The following VWC2L variants were observed in gnomAD, a reference collection of about 807,000 sequenced individuals.
The protein encoded by VWC2L is von Willebrand factor C domain-containing protein 2-like.
VWC2L carries 10 observed loss-of-function variants against 21.6 expected under a neutral mutation model. The observed-to-expected ratio is 0.46, with a 90% CI of 0.29 to 0.78. VWC2L has a LOEUF of 0.78. Ranked by LOEUF, VWC2L falls within the 30% of genes least tolerant of loss-of-function variation. VWC2L has a pLI of 0.10. For synonymous variants in VWC2L, 96 were observed against 94.3 expected (o/e 1.02, Z -0.10); for missense variants, 209 against 277.1 (o/e 0.75, Z 1.74).
intron 3 of VWC2L, among the ~76,000 whole-genome samples, chr2:214,480,018 A>C (rs910818041): frequency 6.6e-6 from 1 of 152,178 alleles, no homozygotes; most frequent in Non-Finnish European, 1.5e-5. Flanking sequence ...ATGTAGTATA[A>C]CAACTACTTA....
chr2:214,531,000 C>T (rs865868193), intron 3 of VWC2L, among the ~76,000 whole-genome samples: 1 of 152,158 alleles, frequency 6.6e-6, no homozygotes, highest in Non-Finnish European at 1.5e-5. Flanking sequence ...TTGCCACCCA[C>T]CCACACAGTA....
chr2:214,431,587 A>T (rs973826959), intron 2 of VWC2L, among the ~76,000 whole-genome samples: 1 of 152,186 alleles, frequency 6.6e-6, no homozygotes. Flanking sequence ...GTATTCACAG[A>T]CAACTTTCTA....
intron 3 of VWC2L, among the ~76,000 whole-genome samples, chr2:214,513,530 A>T (rs1689091580): frequency 6.6e-6 from 1 of 152,108 alleles, no homozygotes; most frequent in Admixed American, 6.5e-5. Context: ...GGCAGAGAAG[A>T]TTTTCACTAT....
In VWC2L at chr2:214,563,578, A is replaced by AAAG. The variant is rs1559332317; in HGVS notation, c.521-12092_521-12091insGAA. On this transcript the variant is annotated intron_variant, in intron 3 of 3. Coordinates refer to ENST00000312504, the MANE Select transcript of VWC2L (RefSeq NM_001080500.4). ...AAAAAAAAAAAAAAAAAAAAAAAAA[A>AAAG]AAATCAAGTGGTTCTAAATGTGAAG... is the stretch of plus-strand genomic sequence containing the variant. Among the ~76,000 whole-genome samples, 7 of 133,530 alleles carry AAAG rather than the reference A, an allele frequency of 5.2e-5. 2 individuals carry two copies. The highest frequency in any genetic ancestry group is 9.4e-5 in the Non-Finnish European group (6 of 63,778). The allele number at this position is 133,530 out of a possible 152,430, so 87.6% of individuals were successfully genotyped here.
chr2:214,561,958 A>C (rs1443980672), intron 3 of VWC2L, among the ~76,000 whole-genome samples: 1 of 151,938 alleles, frequency 6.6e-6, no homozygotes, highest in Admixed American at 6.6e-5. Context: ...TGTTCAAAGC[A>C]CACTAAGTCT....
intron 3 of VWC2L, among the ~76,000 whole-genome samples, chr2:214,550,133 T>G (rs925233106): frequency 1.3e-5 from 2 of 152,208 alleles, no homozygotes; most frequent in African/African-American, 4.8e-5. Flanking sequence ...CAAATTCCCT[T>G]TATTGCTCAA....
intron 3 of VWC2L, among the ~76,000 whole-genome samples, chr2:214,550,813 G>A (rs981472981): frequency 5.3e-5 from 8 of 152,110 alleles, no homozygotes; most frequent in African/African-American, 4.8e-5. Flanking sequence ...CAGAGCGCAC[G>A]TTCAGAAATG....
At chr2:214,565,285 C>T (rs1690045569) in intron 3 of VWC2L, among the ~76,000 whole-genome samples, 1 of 152,170 alleles carries the variant, frequency 6.6e-6, no homozygotes, top group African/African-American at 2.4e-5. Context: ...AATATCTTTG[C>T]CTACTCTTTT....
At chr2:214,559,713 G>A (rs1029672561) in intron 3 of VWC2L, among the ~76,000 whole-genome samples, 7 of 151,706 alleles carry the variant, frequency 4.6e-5, no homozygotes, top group Admixed American at 6.6e-5. Flanking sequence ...GAGCTTAAGC[G>A]ATCCTCTCAT....
In VWC2L at chr2:214,438,988, G is replaced by T. The variant is rs565733314; in HGVS notation, c.520+2230G>T. On this transcript the variant is annotated intron_variant, in intron 3 of 3. Coordinates refer to ENST00000312504, the MANE Select transcript of VWC2L (RefSeq NM_001080500.4). Reference sequence around the variant, plus strand: ...TTTTCTTTTCTTAAATAAGGGAAATGAATCTGAATTTAAATTAGTGGAAGG... The same window carrying T: ...TTTTCTTTTCTTAAATAAGGGAAATTAATCTGAATTTAAATTAGTGGAAGG... Among the ~76,000 whole-genome samples, 5 of 152,110 alleles carry T rather than the reference G, an allele frequency of 3.3e-5. No homozygotes were observed. The East Asian group carries it at 7.7e-4, about 23-fold the overall frequency.
At chr2:214,431,864 A>G (rs1388994747) in intron 2 of VWC2L, among the ~76,000 whole-genome samples, 1 of 152,192 alleles carries the variant, frequency 6.6e-6, no homozygotes, top group Non-Finnish European at 1.5e-5. Flanking sequence ...CTAGTGCAAT[A>G]AAAGTCTGTA....
In VWC2L at chr2:214,414,115, C is replaced by A; in HGVS notation, c.-79C>A. ...TTCTTTTTAAATATTTATTTTCAGC[C>A]TACCCCTCTTGTATTCCCATGGAAG... On this transcript the variant is annotated splice_region_variant and 5_prime_UTR_variant, in exon 2 of 4. Coordinates refer to ENST00000312504, the MANE Select transcript of VWC2L (RefSeq NM_001080500.4). The A allele has an allele frequency of 7.0e-7, 1 of 1,429,872 alleles. No individual in the cohort carries two copies. The highest frequency in any genetic ancestry group is 9.5e-7 in the Non-Finnish European group (1 of 1,056,714). 88.6% of individuals were successfully genotyped at this position (1,429,872 alleles called of 1,614,324 possible). A position where few individuals can be genotyped will look rare whatever the true frequency, so the allele number is the denominator to read the frequency against.
At chr2:214,520,090 C>CACACACACACACACA (rs1689210824) in intron 3 of VWC2L, among the ~76,000 whole-genome samples, 1 of 150,860 alleles carries the variant, frequency 6.6e-6, no homozygotes, top group Non-Finnish European at 1.5e-5. Context: ...CACACACACA[C>CACACACACACACACA]TTATGTAGAT....
chr2:214,478,290 C>A (rs1051919820), intron 3 of VWC2L, among the ~76,000 whole-genome samples: 1 of 152,058 alleles, frequency 6.6e-6, no homozygotes, highest in African/African-American at 2.4e-5. Context: ...ACCTGCCTGA[C>A]CAACACGGTG....
chr2:214,507,799 G>A (rs575626956), intron 3 of VWC2L, among the ~76,000 whole-genome samples: 4 of 152,258 alleles, frequency 2.6e-5, no homozygotes, highest in South Asian at 4.1e-4. Flanking sequence ...TCTGTTTTCC[G>A]CTAGATGGCA....
At position 214,518,057 on chromosome 2, in the gene VWC2L, T is replaced by C. The variant is rs1689173230; in HGVS notation, c.521-57615T>C. ...GGCAGGCACCTGCAGTCCCAGCTAC[T>C]TGGGAGACTGAGGCAGGAGAATGGC... On this transcript the variant is annotated intron_variant, in intron 3 of 3. Transcript: ENST00000312504. 2.6e-5 allele frequency among the ~76,000 whole-genome samples: 4 copies of C among 152,070 alleles called. No individual in the cohort carries two copies. The South Asian group carries it at 8.3e-4, about 32-fold the overall frequency.
At chr2:214,533,959 A>G (rs746354305) in intron 3 of VWC2L, 4 of 152,664 alleles carry the variant, frequency 2.6e-5, no homozygotes, top group Middle Eastern at 3.4e-3. Context: ...ATGGATGGAA[A>G]CGCTTTCAAT....
At chr2:214,437,968 TTTC>T (rs1004893685) in intron 3 of VWC2L, among the ~76,000 whole-genome samples, 18 of 152,022 alleles carry the variant, frequency 1.2e-4, no homozygotes, top group African/African-American at 3.1e-4. Context: ...CGCTCCTCTT[TTTC>T]TTCTTATCTC....
chr2:214,551,567 A>G (rs759410033), intron 3 of VWC2L, among the ~76,000 whole-genome samples: 4 of 152,200 alleles, frequency 2.6e-5, no homozygotes, highest in Non-Finnish European at 5.9e-5. Flanking sequence ...AATATTTCTC[A>G]TTTCTGTTAA....
Sources: allele counts gnomAD v4.1 joint callset (sites outside exome capture counted in the v4.1 genomes callset), GRCh38; gene constraint gnomAD v4.1.1; transcripts MANE v1.5; gene names NCBI Gene and HGNC (gene_info 2026-07-23, HGNC 2026-07-21).